The following ABCB5 variants were observed in gnomAD, a reference collection of about 807,000 sequenced individuals.
The protein encoded by ABCB5 is ATP-binding cassette sub-family B member 5.
ABCB5 carries 155 observed loss-of-function variants against 144.2 expected under a neutral mutation model. The ratio of observed to expected loss-of-function variants is 1.08; its 90% CI spans 0.94 to 1.23. The LOEUF (loss-of-function observed/expected upper bound fraction) is 1.23, where lower values mean the gene tolerates loss of function less well. Among genes scored for constraint, ABCB5 ranks in the 50% most tolerant of loss-of-function variants. The pLI is 0.00. For missense variants in ABCB5, 1,830 were observed against 1,520.8 expected (o/e 1.20, Z -3.38); for synonymous variants, 610 against 528.6 (o/e 1.15, Z -2.11).
In ABCB5 at chr7:20,651,631, C is replaced by A. The variant is rs373426844; in HGVS notation, c.1536+8C>A. 8 of 1,613,558 alleles carry A rather than the reference C, an allele frequency of 5.0e-6. No homozygotes were observed. In the African/African-American group the frequency reaches 1.1e-4, roughly 22 times the overall value. On this transcript the variant is annotated splice_region_variant and intron_variant, in intron 13 of 27. Coordinates refer to ENST00000404938, the MANE Select transcript of ABCB5 (RefSeq NM_001163941.2). ...ATCATGGAGTTTCCTAATGTGAGTACACTGTGCAGCCTGTGTCCTTAGCTT... is the reference window on the plus strand; with the variant it reads ...ATCATGGAGTTTCCTAATGTGAGTAAACTGTGCAGCCTGTGTCCTTAGCTT...
At chr7:20,670,556 G>A (rs941221659) in intron 14 of ABCB5, among the ~76,000 whole-genome samples, 26 of 152,198 alleles carry the variant, frequency 1.7e-4, no homozygotes, top group African/African-American at 6.0e-4. Context: ...TCATAAGGGT[G>A]TGCTGTATAA....
At chr7:20,701,711 TA>T (rs1786636411) in intron 19 of ABCB5, among the ~76,000 whole-genome samples, 1 of 152,226 alleles carries the variant, frequency 6.6e-6, no homozygotes, top group Admixed American at 6.5e-5. Context: ...CTCTGGGTTT[TA>T]AAATATCATG....
At chr7:20,632,777 C>T (rs980774302) in intron 5 of ABCB5, among the ~76,000 whole-genome samples, 3 of 150,644 alleles carry the variant, frequency 2.0e-5, no homozygotes, top group Non-Finnish European at 4.4e-5. Flanking sequence ...AAACAAACAC[C>T]GCATATTCTC....
At chr7:20,687,283 T>G (rs1341078770) in intron 16 of ABCB5, among the ~76,000 whole-genome samples, 1 of 152,174 alleles carries the variant, frequency 6.6e-6, no homozygotes, top group African/African-American at 2.4e-5. Flanking sequence ...TTTCAAAACC[T>G]AAGAAAGATA....
chr7:20,737,511 T>G (rs1243049961), intron 23 of ABCB5, among the ~76,000 whole-genome samples: 1 of 152,232 alleles, frequency 6.6e-6, no homozygotes, highest in African/African-American at 2.4e-5. Flanking sequence ...TTATGTCTAA[T>G]GCTTACCATT....
chr7:20,699,321 T>G (rs2128043140), intron 17 of ABCB5, among the ~76,000 whole-genome samples: 1 of 152,370 alleles, frequency 6.6e-6, no homozygotes, highest in African/African-American at 2.4e-5. Flanking sequence ...GCAAGTTATT[T>G]TTTATCATAG....
intron 11 of ABCB5, among the ~76,000 whole-genome samples, chr7:20,648,303 C>T (rs1784475154): frequency 1.3e-5 from 2 of 152,140 alleles, no homozygotes; most frequent in African/African-American, 4.8e-5. Context: ...TTTTCAGCTC[C>T]GTGAAATTCT....
intron 14 of ABCB5, chr7:20,659,856 G>C (rs11763916): frequency 0.081 from 73,209 of 906,848 alleles, 3,651 homozygotes; most frequent in African/African-American, 0.19. Flanking sequence ...GCTAATTTTT[G>C]TATTTTTAGT....
intron 25 of ABCB5, 130 bp downstream of exon 25, chr7:20,743,204 C>T: frequency 1.1e-6 from 1 of 930,018 alleles, no homozygotes; most frequent in South Asian, 1.7e-5. Context: ...AAAAAAATCT[C>T]TGTGTCAACC....
At position 20,658,653 on chromosome 7, in the gene ABCB5, G is replaced by C. The variant is rs1417721304; in HGVS notation, c.1684G>C (p.Ala562Pro). 5.6e-6 allele frequency: 9 copies of C among 1,614,100 alleles called. No individual in the cohort carries two copies. The highest frequency in any genetic ancestry group is 7.6e-6 in the Non-Finnish European group (9 of 1,179,990). The stretch of plus-strand genomic sequence containing the variant: ...TGCCCTGGATTCAGAAAGCAAGTCA[G>C]CTGTTCAAGCTGCACTGGAGAAGGT... The part of the protein sequence containing the change: ...TSALDSESKS[A>P]VQAALEKASK... The change falls in exon 14 of 28, where the codon GCT (alanine) becomes CCT (proline). Residue 562 changes from alanine to proline, a missense_variant. Physicochemically the swap from Ala to Pro is conservative, Grantham distance 27. Transcript: ENST00000404938.
intron 20 of ABCB5, among the ~76,000 whole-genome samples, chr7:20,708,582 C>T (rs1032601009): frequency 1.6e-4 from 25 of 152,152 alleles, no homozygotes; most frequent in African/African-American, 6.0e-4. Flanking sequence ...CATCAAACTG[C>T]TGAGTGGTAA....
intron 16 of ABCB5, among the ~76,000 whole-genome samples, chr7:20,690,676 A>G (rs1786188567): frequency 6.6e-6 from 1 of 152,178 alleles, no homozygotes; most frequent in South Asian, 2.1e-4. Context: ...TGGTCTCACT[A>G]AAGCTGTCAG....
chr7:20,643,498 A>G lies in ABCB5; in HGVS notation c.544A>G (p.Ile182Val). The change falls in exon 7 of 28, where the codon ATT (isoleucine) becomes GTT (valine). Residue 182 changes from isoleucine to valine, a missense_variant. Coordinates refer to ENST00000404938, the MANE Select transcript of ABCB5 (RefSeq NM_001163941.2). ...DKISDGIGDKIALLFQNMSTF... is the reference protein window; with the variant it reads ...DKISDGIGDKVALLFQNMSTF... ...AATCAGTGATGGTATTGGAGATAAG[A>G]TTGCTCTGTTGTTTCAAAACATGTC... 2 of 1,613,992 alleles carry G rather than the reference A, an allele frequency of 1.2e-6. No homozygotes were observed. Among genetic ancestry groups the G allele is most frequent in the Non-Finnish European group, 1.7e-6 (2 of 1,179,874 alleles).
At position 20,731,892 on chromosome 7, in the gene ABCB5, G is replaced by A. The variant is rs78652697; in HGVS notation, c.2867+3437G>A. ...GGACCACTGCAACAACCTCACCAAT[G>A]TCCTTGTGTCCACTCTTGCTTCCCT... On this transcript the variant is annotated intron_variant, in intron 23 of 27. Transcript: ENST00000404938. Among the ~76,000 whole-genome samples the A allele has an allele frequency of 1.5e-3, 224 of 152,204 alleles. 4 individuals carry two copies. In the East Asian group the frequency reaches 0.034, roughly 23 times the overall value.
At chr7:20,622,500 G>A (rs1290023426) in intron 1 of ABCB5, among the ~76,000 whole-genome samples, 2 of 152,010 alleles carry the variant, frequency 1.3e-5, no homozygotes, top group Admixed American at 1.3e-4. Context: ...CAGATGCTTA[G>A]GTACTCTTTA....
At chr7:20,737,616 C>A (rs943925151) in intron 23 of ABCB5, among the ~76,000 whole-genome samples, 1 of 152,166 alleles carries the variant, frequency 6.6e-6, no homozygotes, top group African/African-American at 2.4e-5. Flanking sequence ...TTCAGAGAAG[C>A]CTCTACCCCT....
intron 20 of ABCB5, among the ~76,000 whole-genome samples, chr7:20,707,217 C>T (rs936687398): frequency 1.3e-5 from 2 of 152,138 alleles, no homozygotes; most frequent in African/African-American, 4.8e-5. Context: ...AAAATAGCTC[C>T]TTAATAATAA....
chr7:20,706,140 G>T (rs1005738988), intron 20 of ABCB5, among the ~76,000 whole-genome samples: 2 of 152,042 alleles, frequency 1.3e-5, no homozygotes, highest in East Asian at 1.9e-4. Context: ...CAAATAATGG[G>T]TATAGCATTA....
intron 20 of ABCB5, among the ~76,000 whole-genome samples, chr7:20,719,548 T>C (rs749828859): frequency 6.6e-6 from 1 of 152,148 alleles, no homozygotes; most frequent in Non-Finnish European, 1.5e-5. Context: ...ACTACTATGA[T>C]AGAGTGGCTA....
Sources: allele counts gnomAD v4.1 joint callset (sites outside exome capture counted in the v4.1 genomes callset), GRCh38; gene constraint gnomAD v4.1.1; transcripts MANE v1.5; gene names NCBI Gene and HGNC (gene_info 2026-07-23, HGNC 2026-07-21).